STX12: variants seen among roughly 807,000 people sequenced by gnomAD.
The protein encoded by STX12 is syntaxin-12.
A neutral mutation model predicts 42.2 loss-of-function variants in STX12; 17 were observed. That is an observed-to-expected ratio of 0.40 (90% CI 0.28 to 0.60). STX12 has a LOEUF of 0.60. STX12 is among the 20% of genes least tolerant of loss of function. The pLI is 0.39. For synonymous variants in STX12, 108 were observed against 116.7 expected (o/e 0.93, Z 0.48); for missense variants, 297 against 330.9 (o/e 0.90, Z 0.79).
chr1:27,798,780 C>CAAAAAAAA (rs61253983), intron 3 of STX12, among the ~76,000 whole-genome samples: 1 of 54,532 alleles, frequency 1.8e-5, no homozygotes, highest in African/African-American at 6.3e-5. Context: ...GACTCCGTCT[C>CAAAAAAAA]AAAAAAAAAA....
intron 1 of STX12, among the ~76,000 whole-genome samples, chr1:27,778,549 G>T (rs2088642831): frequency 6.6e-6 from 1 of 152,040 alleles, no homozygotes; most frequent in Non-Finnish European, 1.5e-5. Flanking sequence ...AAGTAAGCCG[G>T]GTGTGATGGC....
chr1:27,813,899 CTATT>C (rs2088920986), intron 6 of STX12, among the ~76,000 whole-genome samples: 1 of 152,006 alleles, frequency 6.6e-6, no homozygotes, highest in Non-Finnish European at 1.5e-5. Flanking sequence ...CTGTTTTTAT[CTATT>C]TATTATTTAT....
chr1:27,816,844 A>C (rs2088946603), intron 6 of STX12, among the ~76,000 whole-genome samples: 1 of 148,852 alleles, frequency 6.7e-6, no homozygotes. Flanking sequence ...TGAATCCGGG[A>C]GGTGGAGGTT....
chr1:27,789,035 A>T (rs958836450), intron 1 of STX12, among the ~76,000 whole-genome samples: 10 of 152,092 alleles, frequency 6.6e-5, no homozygotes, highest in African/African-American at 1.2e-4. Flanking sequence ...AATAAATAAA[A>T]AAGTACATCT....
chr1:27,814,391 C>T (rs2148607155), intron 6 of STX12, among the ~76,000 whole-genome samples: 2 of 150,220 alleles, frequency 1.3e-5, no homozygotes, highest in East Asian at 4.0e-4. Flanking sequence ...TAACCGGGTG[C>T]TGTAACATGT....
intron 6 of STX12, among the ~76,000 whole-genome samples, chr1:27,814,300 G>A (rs1251448511): frequency 2.0e-5 from 3 of 152,178 alleles, no homozygotes; most frequent in Non-Finnish European, 4.4e-5. Flanking sequence ...GGAGGCTGAG[G>A]CAGGATGATT....
rs534544680 is a variant in STX12, at chr1:27,817,733, C to T, written c.577-118C>T. The T allele has an allele frequency of 3.3e-5, 26 of 782,058 alleles. No individual in the cohort carries two copies. In the East Asian group the frequency reaches 6.8e-4, roughly 20 times the overall value. The allele number at this position is 782,058 out of a possible 1,614,324, so 48.4% of individuals were successfully genotyped here. A position where few individuals can be genotyped will look rare whatever the true frequency, so the allele number is the denominator to read the frequency against. On this transcript the variant is annotated intron_variant, in intron 6 of 8. Coordinates refer to ENST00000373943, the MANE Select transcript of STX12 (RefSeq NM_177424.3). ...GATTATTTTCTGTTTATGGAGAAAGCATGCTTTGTAGAGCCTTAAAAACAC... is the reference window on the plus strand; with the variant it reads ...GATTATTTTCTGTTTATGGAGAAAGTATGCTTTGTAGAGCCTTAAAAACAC...
At chr1:27,782,339 C>G (rs8179329) in intron 1 of STX12, among the ~76,000 whole-genome samples, 6,942 of 152,216 alleles carry the variant, frequency 0.046, 382 homozygotes, top group East Asian at 0.25. Context: ...TTCAAGTGAT[C>G]CTCCCACCTT....
chr1:27,792,113 A>T lies in STX12; in HGVS notation c.189-1420A>T, dbSNP rs549038904. Among the ~76,000 whole-genome samples the T allele has an allele frequency of 1.5e-3, 213 of 138,244 alleles. 4 individuals carry two copies. Among genetic ancestry groups the T allele is most frequent in the African/African-American group, 5.9e-3 (210 of 35,678 alleles). The allele number at this position is 138,244 out of a possible 152,430, so 90.7% of individuals were successfully genotyped here. ...TAAATATAAAATATATAGTATATAA[A>T]TATATAATATATATCTATATATGTA... On this transcript the variant is annotated intron_variant, in intron 2 of 8. Coordinates refer to ENST00000373943, the MANE Select transcript of STX12 (RefSeq NM_177424.3).
chr1:27,813,952 G>A (rs887261125), intron 6 of STX12, among the ~76,000 whole-genome samples: 1 of 152,044 alleles, frequency 6.6e-6, no homozygotes, highest in South Asian at 2.1e-4. Context: ...CCAGGCAGGA[G>A]TGCAGTGGCG....
chr1:27,791,131 C>T (rs374183850), intron 2 of STX12, among the ~76,000 whole-genome samples: 17 of 151,448 alleles, frequency 1.1e-4, no homozygotes, highest in African/African-American at 4.1e-4. Flanking sequence ...CATGGTGGCG[C>T]GTGCCTGTAA....
chr1:27,789,864 T>C (rs1283076483), intron 2 of STX12, among the ~76,000 whole-genome samples: 1 of 152,212 alleles, frequency 6.6e-6, no homozygotes, highest in Non-Finnish European at 1.5e-5. Flanking sequence ...TTGGGCAGTT[T>C]AGCAGAACAA....
chr1:27,773,909 G>A (rs1215637576), intron 1 of STX12: 1 of 161,568 alleles, frequency 6.2e-6, no homozygotes, highest in East Asian at 1.7e-4. Flanking sequence ...TCAATTAAGG[G>A]AAGTGGAGAG....
intron 4 of STX12, among the ~76,000 whole-genome samples, chr1:27,803,483 GC>G (rs2088839549): frequency 6.6e-6 from 1 of 152,152 alleles, no homozygotes. Flanking sequence ...CAGAATGAGG[GC>G]TAATTAAAGA....
intron 3 of STX12, 130 bp from the exon 4 acceptor site, chr1:27,801,548 G>T (rs936338676): frequency 1.1e-5 from 11 of 970,162 alleles, no homozygotes; most frequent in Non-Finnish European, 1.5e-5. Context: ...TTAATTTAAA[G>T]AAGAGACTAT....
intron 1 of STX12, 134 bp from the exon 2 acceptor site, chr1:27,789,428 C>A: frequency 1.9e-6 from 1 of 531,866 alleles, no homozygotes; most frequent in Non-Finnish European, 3.2e-6. Context: ...AGGTTTTGAT[C>A]ATAGCATGGT....
chr1:27,820,246 G>A (rs1405158337), intron 8 of STX12: 1 of 152,242 alleles, frequency 6.6e-6, no homozygotes, highest in Non-Finnish European at 1.5e-5. Context: ...CTTTATCTCA[G>A]TGTACAAATA....
chr1:27,795,712 C>G (rs769135212), intron 3 of STX12, among the ~76,000 whole-genome samples: 29 of 152,210 alleles, frequency 1.9e-4, no homozygotes, highest in Non-Finnish European at 3.1e-4. Flanking sequence ...TTGGCCCCCA[C>G]TTGCAGAAGA....
intron 1 of STX12, among the ~76,000 whole-genome samples, chr1:27,777,327 A>G (rs915857054): frequency 7.2e-5 from 11 of 152,138 alleles, no homozygotes; most frequent in African/African-American, 2.7e-4. Flanking sequence ...TTCTAGGTAG[A>G]GGGCAAGAGC....
Sources: gnomAD v4.1 joint callset for allele counts (sites outside exome capture counted in the v4.1 genomes callset) on GRCh38, gnomAD v4.1.1 for gene constraint, MANE v1.5 for transcripts, NCBI Gene and HGNC (gene_info 2026-07-23, HGNC 2026-07-21) for gene names.